Variants in RPAP2 observed in about 807,000 individuals in gnomAD.
The protein encoded by RPAP2 is putative RNA polymerase II subunit B1 CTD phosphatase RPAP2.
Under a neutral mutation model 73.1 loss-of-function variants are expected in RPAP2, and 52 were observed. The ratio of observed to expected loss-of-function variants is 0.71; its 90% CI spans 0.57 to 0.90. RPAP2 has a LOEUF of 0.90. Ranked by LOEUF, RPAP2 falls within the 40% of genes least tolerant of loss-of-function variation. The pLI, the probability that RPAP2 is intolerant of heterozygous loss-of-function variation, is 0.00. For missense variants in RPAP2, 598 were observed against 701.8 expected, an observed-to-expected ratio of 0.85 and a Z score of 1.67; for synonymous variants, 225 against 242.1, an observed-to-expected ratio of 0.93 and a Z score of 0.65.
At chr1:92,314,298 T>C (rs868041615) in intron 6 of RPAP2, among the ~76,000 whole-genome samples, 9 of 152,060 alleles carry the variant, frequency 5.9e-5, no homozygotes, top group East Asian at 3.9e-4. Context: ...TCAGAGGCCA[T>C]TGTAAGGGTT....
chr1:92,318,986 ATTGT>A (rs545265119), intron 6 of RPAP2, among the ~76,000 whole-genome samples: 342 of 152,218 alleles, frequency 2.2e-3, no homozygotes, highest in African/African-American at 6.9e-3. Context: ...TGATCAAAGG[ATTGT>A]TTGTTTGTTT....
At chr1:92,321,366 T>A (rs1652247575) in intron 7 of RPAP2, among the ~76,000 whole-genome samples, 1 of 152,218 alleles carries the variant, frequency 6.6e-6, no homozygotes, top group African/African-American at 2.4e-5. Flanking sequence ...GCCCCATGGC[T>A]ATATAGGCTA....
At chr1:92,320,494 A>G in intron 6 of RPAP2, 105 bp from the exon 7 acceptor site, 2 of 804,244 alleles carry the variant, frequency 2.5e-6, no homozygotes, top group Non-Finnish European at 4.2e-6. Flanking sequence ...GATGGTCTCA[A>G]TCTCCTGACC....
At chr1:92,380,908 C>T (rs764272932) in intron 12 of RPAP2, 35 bp downstream of exon 12, 5 of 1,501,038 alleles carry the variant, frequency 3.3e-6, no homozygotes, top group Admixed American at 2.4e-5. Flanking sequence ...GGTTTTTATT[C>T]TTCATTTGTT....
intron 7 of RPAP2, 58 bp downstream of exon 7, chr1:92,320,692 G>C: frequency 1.4e-6 from 2 of 1,400,672 alleles, no homozygotes; most frequent in Non-Finnish European, 2.0e-6. Context: ...GAAACATTAG[G>C]AGTGAACCAG....
At chr1:92,350,819 C>T (rs906695112) in intron 11 of RPAP2, among the ~76,000 whole-genome samples, 2 of 152,054 alleles carry the variant, frequency 1.3e-5, no homozygotes, top group African/African-American at 4.8e-5. Context: ...ATAGTTCCAG[C>T]TACTCTGGAG....
At chr1:92,364,025 T>A (rs949163936) in intron 11 of RPAP2, among the ~76,000 whole-genome samples, 1 of 152,042 alleles carries the variant, frequency 6.6e-6, no homozygotes, top group Non-Finnish European at 1.5e-5. Context: ...AGGGGGTCAG[T>A]GTCCCTAATG....
chr1:92,387,082 G>T lies in RPAP2; in HGVS notation c.*71G>T. ...TTCTGGAATTCTAGCCGCCATGATGGTCTGGTGGTGACTGATAACTAGTTT... is the reference window on the plus strand; with the variant it reads ...TTCTGGAATTCTAGCCGCCATGATGTTCTGGTGGTGACTGATAACTAGTTT... On this transcript the variant is annotated 3_prime_UTR_variant, in exon 13 of 13. Coordinates refer to ENST00000610020, the MANE Select transcript of RPAP2 (RefSeq NM_024813.3). 6.8e-7 allele frequency: 1 copy of T among 1,474,010 alleles called. No homozygotes were observed. The highest frequency in any genetic ancestry group is 1.3e-5 in the South Asian group (1 of 79,582). 91.3% of individuals were successfully genotyped at this position (1,474,010 alleles called of 1,614,324 possible). A position where few individuals can be genotyped will look rare whatever the true frequency, so the allele number is the denominator to read the frequency against.
intron 6 of RPAP2, among the ~76,000 whole-genome samples, chr1:92,317,105 G>T (rs985460120): frequency 6.6e-6 from 1 of 152,134 alleles, no homozygotes; most frequent in Non-Finnish European, 1.5e-5. Context: ...AGAGGCAACA[G>T]GATATAGAAA....
At chr1:92,330,574 A>G (rs1652909366) in intron 8 of RPAP2, among the ~76,000 whole-genome samples, 1 of 150,340 alleles carries the variant, frequency 6.7e-6, no homozygotes, top group African/African-American at 2.5e-5. Flanking sequence ...CAGCCTCCCA[A>G]GTAGCTGGGA....
At chr1:92,380,930 TTC>T in intron 12 of RPAP2, 57 bp downstream of exon 12, 7 of 1,412,766 alleles carry the variant, frequency 5.0e-6, no homozygotes, top group Admixed American at 2.7e-5. Flanking sequence ...CCTATGTGGA[TTC>T]TTTTTTTTTT....
intron 11 of RPAP2, among the ~76,000 whole-genome samples, chr1:92,355,916 C>T (rs1467424689): frequency 6.6e-6 from 1 of 152,128 alleles, no homozygotes; most frequent in East Asian, 1.9e-4. Context: ...AACTATATTG[C>T]TCTTCATATC....
chr1:92,300,846 A>G (rs560653594), intron 2 of RPAP2, among the ~76,000 whole-genome samples: 44 of 152,364 alleles, frequency 2.9e-4, no homozygotes, highest in Non-Finnish European at 4.6e-4. Flanking sequence ...CTCTGAAGAT[A>G]TGGTGAACAG....
In RPAP2 at chr1:92,333,410, TG is replaced by T; in HGVS notation, c.1476del (p.Ile493Ter). 6.2e-7 allele frequency: 1 copy of T among 1,613,512 alleles called. No homozygotes were observed. Among genetic ancestry groups the T allele is most frequent in the Non-Finnish European group, 8.5e-7 (1 of 1,179,524 alleles). On this transcript the variant is annotated frameshift_variant, in exon 9 of 13. Transcript: ENST00000610020. LOFTEE classifies it high-confidence loss of function. ...DSEEHDSTFP[L>X]IDSSSQNQIR... Reference sequence around the variant, plus strand: ...ATTCAGCATGATTCCACCTTTCCACTGATAGACTCAAGTTCCCAGAACCAGA... The same window carrying T: ...ATTCAGCATGATTCCACCTTTCCACTATAGACTCAAGTTCCCAGAACCAGA...
intron 6 of RPAP2, among the ~76,000 whole-genome samples, chr1:92,318,385 G>A (rs1264996104): frequency 3.9e-5 from 6 of 152,196 alleles, no homozygotes; most frequent in African/African-American, 1.4e-4. Context: ...AGGACACTTA[G>A]TTACATATAG....
chr1:92,303,916 G>T, intron 3 of RPAP2, 61 bp from the exon 4 acceptor site: 1 of 1,111,116 alleles, frequency 9.0e-7, no homozygotes, highest in South Asian at 1.4e-5. Flanking sequence ...GAGGCTTAGA[G>T]AGCTGATAAA....
chr1:92,384,478 G>C (rs1450621936), intron 12 of RPAP2, among the ~76,000 whole-genome samples: 1 of 151,462 alleles, frequency 6.6e-6, no homozygotes, highest in Non-Finnish European at 1.5e-5. Flanking sequence ...ACAAAAATTA[G>C]CTGGGCGTGG....
chr1:92,343,078 G>A (rs1265729512), intron 10 of RPAP2, among the ~76,000 whole-genome samples: 1 of 152,170 alleles, frequency 6.6e-6, no homozygotes, highest in Admixed American at 6.6e-5. Context: ...AAGGGAAAGA[G>A]TGTTTGTTTA....
At chr1:92,318,850 A>C (rs188755723) in intron 6 of RPAP2, among the ~76,000 whole-genome samples, 168 of 152,352 alleles carry the variant, frequency 1.1e-3, no homozygotes, top group Non-Finnish European at 1.8e-3. Flanking sequence ...GAGCCATTTC[A>C]GGAGAGAAAT....
Sources: gnomAD v4.1 joint callset for allele counts (sites outside exome capture counted in the v4.1 genomes callset) on GRCh38, gnomAD v4.1.1 for gene constraint, MANE v1.5 for transcripts, NCBI Gene and HGNC (gene_info 2026-07-23, HGNC 2026-07-21) for gene names.